The following SOX5 variants were observed in gnomAD, a reference collection of about 807,000 sequenced individuals.
SOX5 encodes the protein transcription factor SOX-5.
A neutral mutation model predicts 92.0 loss-of-function variants in SOX5; 9 were observed. The observed-to-expected ratio is 0.10, with a 90% CI of 0.06 to 0.17. The LOEUF (loss-of-function observed/expected upper bound fraction) is 0.17. SOX5 is among the 10% of genes least tolerant of loss of function. SOX5 has a pLI of 1.00. For synonymous variants in SOX5, 344 were observed against 336.3 expected, an observed-to-expected ratio of 1.02 and a Z score of -0.25; for missense variants, 642 against 944.5, an observed-to-expected ratio of 0.68 and a Z score of 4.20.
In SOX5 at chr12:23,530,475, A is replaced by T. The variant is rs1591793570; in HGVS notation, c.*3744T>A. On this transcript the variant is annotated 3_prime_UTR_variant, in exon 15 of 15. Coordinates refer to ENST00000451604, the MANE Select transcript of SOX5 (RefSeq NM_006940.6). ...GAAAACTTTTTTATATTTGTTCTTT[A>T]TAAGAGGATTTGGTTCTAACGATGA... is the stretch of plus-strand genomic sequence containing the variant. 1 of 116,682 alleles carries T rather than the reference A, an allele frequency of 8.6e-6. No homozygotes were observed. The highest frequency in any genetic ancestry group is 3.0e-5 in the African/African-American group (1 of 33,268). 7.2% of individuals were successfully genotyped at this position (116,682 alleles called of 1,614,324 possible).
intron 6 of SOX5, among the ~76,000 whole-genome samples, chr12:23,675,982 C>T (rs1320789019): frequency 2.0e-5 from 3 of 151,944 alleles, no homozygotes; most frequent in Admixed American, 6.6e-5. Flanking sequence ...ATCAAAAAGA[C>T]AGGAGATAAA....
chr12:23,808,679 G>C (rs1385735303), intron 3 of SOX5, among the ~76,000 whole-genome samples: 1 of 152,004 alleles, frequency 6.6e-6, no homozygotes, highest in Non-Finnish European at 1.5e-5. Context: ...TCTTTCCATA[G>C]TTTTATGGAT....
rs1194486750 is a variant in SOX5, at chr12:23,529,672, G to C, written c.*4547C>G. 1 of 151,978 alleles carries C rather than the reference G, an allele frequency of 6.6e-6. No homozygotes were observed. Among genetic ancestry groups the C allele is most frequent in the East Asian group, 1.9e-4 (1 of 5,198 alleles). The allele number at this position is 151,978 out of a possible 1,614,324, so 9.4% of individuals were successfully genotyped here. A position where few individuals can be genotyped will look rare whatever the true frequency, so the allele number is the denominator to read the frequency against. ...CATAAACTCCTGTTTTATTTTTATTGTGGCATGAATGATAACATAAAACCA... is the reference window on the plus strand; with the variant it reads ...CATAAACTCCTGTTTTATTTTTATTCTGGCATGAATGATAACATAAAACCA... On this transcript the variant is annotated 3_prime_UTR_variant, in exon 15 of 15. Transcript: ENST00000451604.
Position 23,806,101 on chromosome 12 carries a change from C to A in SOX5, c.481+39882G>T, listed in dbSNP as rs79127225. Among the ~76,000 whole-genome samples, 1,407 of 152,272 alleles carry A rather than the reference C, an allele frequency of 9.2e-3. 25 individuals carry two copies. The highest frequency in any genetic ancestry group is 0.032 in the African/African-American group (1,341 of 41,554). On this transcript the variant is annotated intron_variant, in intron 3 of 14. Coordinates refer to ENST00000451604, the MANE Select transcript of SOX5 (RefSeq NM_006940.6). The stretch of plus-strand genomic sequence containing the variant: ...TTAAAAGTGGCAATTCCTCTCAATT[C>A]TCTTTCTGCTTTAACTTACAATAAT...
chr12:23,651,963 T>C (rs1316561332), intron 7 of SOX5, among the ~76,000 whole-genome samples: 1 of 151,982 alleles, frequency 6.6e-6, no homozygotes, highest in Non-Finnish European at 1.5e-5. Flanking sequence ...TACATAATTA[T>C]GTCTTTAAAT....
At chr12:23,873,722 C>T (rs1056575486) in intron 2 of SOX5, among the ~76,000 whole-genome samples, 6 of 151,834 alleles carry the variant, frequency 4.0e-5, no homozygotes, top group Admixed American at 6.6e-5. Flanking sequence ...TTTTCTTTGC[C>T]GCAAAGGATA....
At chr12:24,404,079 C>G (rs1962373108) in intron 1 of SOX5, among the ~76,000 whole-genome samples, 1 of 152,142 alleles carries the variant, frequency 6.6e-6, no homozygotes, top group Non-Finnish European at 1.5e-5. Context: ...TAAATATAAT[C>G]CCCATTGAAG....
intron 4 of SOX5, among the ~76,000 whole-genome samples, chr12:24,184,923 TA>T (rs945769079): frequency 1.3e-5 from 2 of 151,998 alleles, no homozygotes; most frequent in East Asian, 1.9e-4. Context: ...CTGGAAATCT[TA>T]AAAAAAATCT....
At chr12:23,655,465 T>C (rs1159877478) in intron 7 of SOX5, among the ~76,000 whole-genome samples, 3 of 152,152 alleles carry the variant, frequency 2.0e-5, no homozygotes, top group Non-Finnish European at 4.4e-5. Flanking sequence ...ATGTTTCAAG[T>C]ATTAGAGAGT....
chr12:23,794,181 T>C (rs2095523932), intron 3 of SOX5, among the ~76,000 whole-genome samples: 1 of 152,186 alleles, frequency 6.6e-6, no homozygotes. Flanking sequence ...ATTGATTTTC[T>C]CTTTAATTGG....
intron 2 of SOX5, among the ~76,000 whole-genome samples, chr12:24,340,132 G>A (rs1222715819): frequency 2.0e-5 from 3 of 152,190 alleles, no homozygotes; most frequent in East Asian, 1.9e-4. Context: ...TCAACAACTC[G>A]CTGGCACATA....
intron 8 of SOX5, among the ~76,000 whole-genome samples, chr12:23,637,316 C>G (rs2079389955): frequency 6.6e-6 from 1 of 152,100 alleles, no homozygotes; most frequent in African/African-American, 2.4e-5. Flanking sequence ...TTAAAACATA[C>G]ACGAACAGAT....
At chr12:23,669,698 T>C (rs942242465) in intron 6 of SOX5, among the ~76,000 whole-genome samples, 2 of 150,598 alleles carry the variant, frequency 1.3e-5, no homozygotes, top group African/African-American at 2.4e-5. Context: ...TACTCATAGA[T>C]GAAAAAATGA....
chr12:24,279,576 A>G (rs12301966), intron 2 of SOX5, among the ~76,000 whole-genome samples: 6,450 of 152,204 alleles, frequency 0.042, 476 homozygotes, highest in African/African-American at 0.15. Flanking sequence ...TGATACCACA[A>G]TGAACTTTCC....
chr12:23,877,928 T>C (rs1477993976), intron 2 of SOX5, among the ~76,000 whole-genome samples: 1 of 152,036 alleles, frequency 6.6e-6, no homozygotes, highest in East Asian at 1.9e-4. Context: ...TCACAGTTCA[T>C]TAATTTATTT....
chr12:23,743,364 C>T (rs2093867611), intron 4 of SOX5, among the ~76,000 whole-genome samples: 1 of 151,846 alleles, frequency 6.6e-6, no homozygotes, highest in Non-Finnish European at 1.5e-5. Context: ...GGCTGGAGTA[C>T]AGTGGCACGA....
intron 2 of SOX5, among the ~76,000 whole-genome samples, chr12:24,328,877 C>T (rs1205394713): frequency 3.3e-5 from 5 of 152,136 alleles, no homozygotes; most frequent in Non-Finnish European, 5.9e-5. Context: ...TTCAAATTAA[C>T]GTTATTGTTA....
At chr12:24,405,426 G>C (rs1962710943) in intron 1 of SOX5, among the ~76,000 whole-genome samples, 2 of 152,186 alleles carry the variant, frequency 1.3e-5, no homozygotes, top group Non-Finnish European at 2.9e-5. Flanking sequence ...ACAGGGCACT[G>C]AGGGGGTGTC....
At chr12:23,609,897 AATTTATT>A (rs1228569081) in intron 8 of SOX5, among the ~76,000 whole-genome samples, 2 of 152,158 alleles carry the variant, frequency 1.3e-5, no homozygotes, top group Non-Finnish European at 2.9e-5. Context: ...TTTTTCTTAT[AATTTATT>A]ATTATGTGCA....
Sources: gnomAD v4.1 joint callset for allele counts (sites outside exome capture counted in the v4.1 genomes callset) on GRCh38, gnomAD v4.1.1 for gene constraint, MANE v1.5 for transcripts, NCBI Gene and HGNC (gene_info 2026-07-23, HGNC 2026-07-21) for gene names.